The following SH3BGRL2 variants were observed in gnomAD, a reference collection of about 807,000 sequenced individuals.
SH3BGRL2 encodes the protein SH3 domain-binding glutamic acid-rich-like protein 2.
A neutral mutation model predicts 14.8 loss-of-function variants in SH3BGRL2; 21 were observed. That is an observed-to-expected ratio of 1.42 (90% CI 1.01 to 2.05). The LOEUF (loss-of-function observed/expected upper bound fraction) is 2.05. Ranked by LOEUF, SH3BGRL2 falls within the 30% of genes most tolerant of loss-of-function variation. The pLI is 0.00. For missense variants in SH3BGRL2, 147 were observed against 130.8 expected (o/e 1.12, Z -0.61); for synonymous variants, 50 against 47.8 (o/e 1.05, Z -0.19).
intron 2 of SH3BGRL2, among the ~76,000 whole-genome samples, chr6:79,677,242 A>G (rs1208023275): frequency 6.6e-6 from 1 of 152,190 alleles, no homozygotes; most frequent in African/African-American, 2.4e-5. Context: ...GACACGATCC[A>G]GAAAGCTTGT....
chr6:79,627,987 A>G (rs1451134805), upstream of SH3BGRL2, among the ~76,000 whole-genome samples: 1 of 152,188 alleles, frequency 6.6e-6, no homozygotes, highest in Non-Finnish European at 1.5e-5. Context: ...CAATTCCTTC[A>G]ATTATGAAAG....
the SH3BGRL2 span, among the ~76,000 whole-genome samples, chr6:79,584,115 ATTTAC>A: frequency 2.0e-5 from 3 of 152,158 alleles, no homozygotes; most frequent in South Asian, 4.1e-4. Context: ...TATGGTCCTC[ATTTAC>A]TTTATTTTAT....
chr6:79,694,646 T>C (rs1770293318), intron 2 of SH3BGRL2, among the ~76,000 whole-genome samples: 1 of 152,212 alleles, frequency 6.6e-6, no homozygotes, highest in South Asian at 2.1e-4. Flanking sequence ...AGATATTACA[T>C]GTTGAAATTG....
At chr6:79,679,032 T>G (rs1220129673) in intron 2 of SH3BGRL2, among the ~76,000 whole-genome samples, 1 of 152,240 alleles carries the variant, frequency 6.6e-6, no homozygotes, top group Non-Finnish European at 1.5e-5. Flanking sequence ...GATGTGCACC[T>G]AGGTTGATTC....
chr6:79,577,186 T>C, the SH3BGRL2 span, among the ~76,000 whole-genome samples: 2 of 152,208 alleles, frequency 1.3e-5, no homozygotes, highest in Non-Finnish European at 2.9e-5. Context: ...TGACCATATA[T>C]GTGTATGTAT....
the SH3BGRL2 span, among the ~76,000 whole-genome samples, chr6:79,542,674 AG>A: frequency 6.6e-6 from 1 of 152,216 alleles, no homozygotes; most frequent in Admixed American, 6.5e-5. Context: ...TGGGGCATTT[AG>A]GGAGAGGTTG....
At chr6:79,627,773 C>T (rs529024192), upstream of SH3BGRL2, among the ~76,000 whole-genome samples, 1 of 152,184 alleles carries the variant, frequency 6.6e-6, no homozygotes, top group Admixed American at 6.5e-5. Flanking sequence ...CTTCTTGTCT[C>T]TTTCCATGTT....
At chr6:79,542,599 G>A in the SH3BGRL2 span, among the ~76,000 whole-genome samples, 1 of 152,088 alleles carries the variant, frequency 6.6e-6, no homozygotes, top group Non-Finnish European at 1.5e-5. Flanking sequence ...TCAGGAGCTA[G>A]GACTCAACAA....
the SH3BGRL2 span, among the ~76,000 whole-genome samples, chr6:79,599,760 T>C: frequency 6.6e-6 from 1 of 152,166 alleles, no homozygotes; most frequent in East Asian, 1.9e-4. Flanking sequence ...GAGAGGACAT[T>C]CTGCAAATAG....
intron 1 of SH3BGRL2, among the ~76,000 whole-genome samples, chr6:79,655,950 G>A (rs1435343265): frequency 6.6e-6 from 1 of 152,208 alleles, no homozygotes; most frequent in Non-Finnish European, 1.5e-5. Context: ...GAGGGAGTGG[G>A]AGGGGAAGGT....
chr6:79,667,546 A>G (rs1184140876), intron 1 of SH3BGRL2, among the ~76,000 whole-genome samples: 1 of 151,998 alleles, frequency 6.6e-6, no homozygotes, highest in Non-Finnish European at 1.5e-5. Context: ...TCCTGGGTTC[A>G]AGGGATTCTC....
the SH3BGRL2 span, among the ~76,000 whole-genome samples, chr6:79,611,663 C>T: frequency 6.6e-6 from 1 of 152,132 alleles, no homozygotes; most frequent in Non-Finnish European, 1.5e-5. Flanking sequence ...CTGCCCACCT[C>T]GGCCTCCCAA....
chr6:79,628,277 CT>C (rs76133633), upstream of SH3BGRL2, among the ~76,000 whole-genome samples: 1,374 of 145,642 alleles, frequency 9.4e-3, 19 homozygotes, highest in African/African-American at 0.032. Flanking sequence ...TATTTAGAAA[CT>C]TTTTTTTTTT....
rs982872999 is a variant in SH3BGRL2 at position 79,675,607 on chromosome 6, A to T, written c.231+1808A>T. On this transcript the variant is annotated intron_variant, in intron 2 of 3. Transcript: ENST00000369838. Reference sequence around the variant, plus strand: ...TATTAATTTGGATATTGGATTTCTTACATTGATTTTCTAATACTTTAATCT... The same window carrying T: ...TATTAATTTGGATATTGGATTTCTTTCATTGATTTTCTAATACTTTAATCT... 2.0e-5 allele frequency among the ~76,000 whole-genome samples: 3 copies of T among 152,034 alleles called. No homozygotes were observed. The South Asian group carries it at 6.2e-4, about 32-fold the overall frequency.
chr6:79,664,146 C>T (rs1178882162), intron 1 of SH3BGRL2, among the ~76,000 whole-genome samples: 2 of 152,238 alleles, frequency 1.3e-5, no homozygotes, highest in African/African-American at 2.4e-5. Context: ...TCCCACCCTG[C>T]TTCAGCTCGC....
chr6:79,573,780 T>C, the SH3BGRL2 span: 3 of 152,224 alleles, frequency 2.0e-5, no homozygotes, highest in Non-Finnish European at 4.4e-5. Flanking sequence ...TGTAGAGGAA[T>C]GCAATTGATT....
chr6:79,650,734 C>G (rs1329265487), intron 1 of SH3BGRL2, among the ~76,000 whole-genome samples: 1 of 152,058 alleles, frequency 6.6e-6, no homozygotes, highest in Non-Finnish European at 1.5e-5. Flanking sequence ...AACTTCCTGC[C>G]AAACCCCACT....
At chr6:79,569,349 G>A in the SH3BGRL2 span, among the ~76,000 whole-genome samples, 1 of 152,154 alleles carries the variant, frequency 6.6e-6, no homozygotes, top group Non-Finnish European at 1.5e-5. Flanking sequence ...GATTGTAAAT[G>A]TTTCTTATCA....
the SH3BGRL2 span, among the ~76,000 whole-genome samples, chr6:79,587,602 T>C: frequency 6.6e-6 from 1 of 152,216 alleles, no homozygotes; most frequent in African/African-American, 2.4e-5. Context: ...TAAATATGTG[T>C]TAATAAAAGG....
Sources: gnomAD v4.1 joint callset for allele counts (sites outside exome capture counted in the v4.1 genomes callset) on GRCh38, gnomAD v4.1.1 for gene constraint, MANE v1.5 for transcripts, NCBI Gene and HGNC (gene_info 2026-07-23, HGNC 2026-07-21) for gene names.